BMERB1: variants seen among roughly 807,000 people sequenced by gnomAD.
BMERB1 encodes the protein bMERB domain containing 1.
BMERB1 carries 12 observed loss-of-function variants against 23.6 expected under a neutral mutation model. The observed-to-expected ratio is 0.51, with a 90% CI of 0.33 to 0.82. BMERB1 has a LOEUF of 0.82. Among genes scored for constraint, BMERB1 ranks in the 40% least tolerant of loss-of-function variants. BMERB1 has a pLI of 0.03. For missense variants in BMERB1, 247 were observed against 255.4 expected, an observed-to-expected ratio of 0.97 and a Z score of 0.22; for synonymous variants, 122 against 96.6, an observed-to-expected ratio of 1.26 and a Z score of -1.54.
At chr16:15,580,845 A>T (rs1030476806) in intron 3 of BMERB1, among the ~76,000 whole-genome samples, 3 of 151,780 alleles carry the variant, frequency 2.0e-5, no homozygotes, top group African/African-American at 7.3e-5. Flanking sequence ...GCACCCGGCC[A>T]GCTCAAGTGC....
intron 1 of BMERB1, among the ~76,000 whole-genome samples, chr16:15,499,436 G>A (rs1481801728): frequency 1.3e-5 from 2 of 151,890 alleles, no homozygotes; most frequent in Admixed American, 1.3e-4. Context: ...AAAGTCAACG[G>A]CATCAAATGC....
chr16:15,519,717 G>A (rs537981248), intron 2 of BMERB1, among the ~76,000 whole-genome samples: 1 of 152,216 alleles, frequency 6.6e-6, no homozygotes, highest in African/African-American at 2.4e-5. Flanking sequence ...GTCCGGGGGG[G>A]ACTGCCTGCC....
intron 1 of BMERB1, among the ~76,000 whole-genome samples, chr16:15,483,167 A>G (rs964490114): frequency 2.0e-5 from 3 of 152,168 alleles, no homozygotes; most frequent in African/African-American, 7.2e-5. Flanking sequence ...TAACTTAACT[A>G]GTCCATATGG....
chr16:15,515,504 T>C (rs2051739207), intron 2 of BMERB1, 76 bp downstream of exon 2: 3 of 1,533,418 alleles, frequency 2.0e-6, no homozygotes, highest in Non-Finnish European at 2.6e-6. Flanking sequence ...GTTGATCGTC[T>C]ACTGTGTGCC....
At chr16:15,499,268 G>C (rs1215020319) in intron 1 of BMERB1, among the ~76,000 whole-genome samples, 2 of 152,048 alleles carry the variant, frequency 1.3e-5, no homozygotes, top group Non-Finnish European at 2.9e-5. Flanking sequence ...CGAAGTGGCA[G>C]GCACCTGTAA....
intron 2 of BMERB1, among the ~76,000 whole-genome samples, chr16:15,567,133 G>A (rs1168065342): frequency 6.6e-6 from 1 of 152,074 alleles, no homozygotes; most frequent in Non-Finnish European, 1.5e-5. Flanking sequence ...CAAGTCTGCA[G>A]TAAGCTATGA....
intron 3 of BMERB1, among the ~76,000 whole-genome samples, chr16:15,578,468 C>G (rs1433101746): frequency 6.6e-6 from 1 of 152,088 alleles, no homozygotes; most frequent in East Asian, 1.9e-4. Context: ...TGCAAAGCAA[C>G]TTACAAATTA....
intron 1 of BMERB1, among the ~76,000 whole-genome samples, chr16:15,446,169 T>TG (rs2050987410): frequency 6.6e-6 from 1 of 152,126 alleles, no homozygotes. Flanking sequence ...TGAGGCAGAA[T>TG]GGCTTGAGCC....
chr16:15,573,319 A>G (rs1596401866), intron 3 of BMERB1, among the ~76,000 whole-genome samples: 1 of 152,284 alleles, frequency 6.6e-6, no homozygotes, highest in East Asian at 1.9e-4. Flanking sequence ...ATTACAATAG[A>G]GAAAGAGTAA....
At position 15,435,986 on chromosome 16, in the gene BMERB1, A is replaced by G. The variant is rs146442114; in HGVS notation, c.106+1227A>G. Reference sequence around the variant, plus strand: ...TTCTAGTTCATCCTTTCAAGACCCAATGACTTGGTGCTTTGGCATAATATC... The same window carrying G: ...TTCTAGTTCATCCTTTCAAGACCCAGTGACTTGGTGCTTTGGCATAATATC... On this transcript the variant is annotated intron_variant, in intron 1 of 5. Coordinates refer to ENST00000300006, the MANE Select transcript of BMERB1 (RefSeq NM_033201.3). Among the ~76,000 whole-genome samples, 74 of 151,968 alleles carry G rather than the reference A, an allele frequency of 4.9e-4. 1 individual carries two copies. The Middle Eastern group carries it at 0.017, about 35-fold the overall frequency.
intron 5 of BMERB1, among the ~76,000 whole-genome samples, chr16:15,586,034 T>A (rs2031130565): frequency 6.6e-6 from 1 of 152,026 alleles, no homozygotes; most frequent in Admixed American, 6.5e-5. Context: ...GAAAAAAGAA[T>A]AAGTAGACAT....
At chr16:15,468,404 C>G (rs1199882504) in intron 1 of BMERB1, among the ~76,000 whole-genome samples, 2 of 152,026 alleles carry the variant, frequency 1.3e-5, no homozygotes, top group South Asian at 4.1e-4. Flanking sequence ...CTTGTCTTCC[C>G]AAAGTGCTGG....
At chr16:15,578,189 G>A (rs149665377) in intron 3 of BMERB1, among the ~76,000 whole-genome samples, 3 of 150,974 alleles carry the variant, frequency 2.0e-5, no homozygotes, top group South Asian at 2.1e-4. Context: ...CCATCTTCAC[G>A]TGACCCTGTG....
intron 2 of BMERB1, among the ~76,000 whole-genome samples, chr16:15,518,142 C>G (rs1468230724): frequency 6.6e-6 from 1 of 152,140 alleles, no homozygotes; most frequent in African/African-American, 2.4e-5. Flanking sequence ...AGAGGCAGCT[C>G]TGCAGTAAGC....
intron 2 of BMERB1, among the ~76,000 whole-genome samples, chr16:15,553,036 C>A (rs575130403): frequency 6.6e-6 from 1 of 152,202 alleles, no homozygotes; most frequent in South Asian, 2.1e-4. Flanking sequence ...GAGATGGAGT[C>A]TCACTCTGTT....
intron 1 of BMERB1, among the ~76,000 whole-genome samples, chr16:15,469,170 T>C (rs1251052262): frequency 6.6e-6 from 1 of 152,058 alleles, no homozygotes; most frequent in Non-Finnish European, 1.5e-5. Flanking sequence ...TTCACCATGC[T>C]GGCCGGGCTG....
chr16:15,477,920 A>T (rs1308028082), intron 1 of BMERB1, among the ~76,000 whole-genome samples: 1 of 152,024 alleles, frequency 6.6e-6, no homozygotes, highest in African/African-American at 2.4e-5. Context: ...TATGTCTGTG[A>T]GTTATCAGTT....
intron 1 of BMERB1, among the ~76,000 whole-genome samples, chr16:15,460,716 A>G (rs1162011111): frequency 6.6e-6 from 1 of 152,198 alleles, no homozygotes; most frequent in African/African-American, 2.4e-5. Context: ...GCCTAGTTAC[A>G]GGGTTTCCAA....
intron 1 of BMERB1, among the ~76,000 whole-genome samples, chr16:15,475,252 A>G (rs1439759261): frequency 6.6e-6 from 1 of 152,148 alleles, no homozygotes; most frequent in Admixed American, 6.5e-5. Flanking sequence ...TAGCTCCCCA[A>G]TGGGTCCCAC....
Sources: gnomAD v4.1 joint callset for allele counts (sites outside exome capture counted in the v4.1 genomes callset) on GRCh38, gnomAD v4.1.1 for gene constraint, MANE v1.5 for transcripts, NCBI Gene and HGNC (gene_info 2026-07-23, HGNC 2026-07-21) for gene names.